Variants in TTC12 observed in about 807,000 individuals in gnomAD.
The protein encoded by TTC12 is tetratricopeptide repeat domain 12.
TTC12 carries 70 observed loss-of-function variants against 90.1 expected under a neutral mutation model. The observed-to-expected ratio is 0.78, with a 90% CI of 0.64 to 0.95. TTC12 has a LOEUF of 0.95. Among genes scored for constraint, TTC12 ranks in the 40% least tolerant of loss-of-function variants. The pLI is 0.00. For synonymous variants in TTC12, 296 were observed against 311.5 expected (o/e 0.95, Z 0.53); for missense variants, 819 against 846.1 (o/e 0.97, Z 0.40).
At chr11:113,328,334 T>G (rs1314525444) in intron 6 of TTC12, among the ~76,000 whole-genome samples, 1 of 152,206 alleles carries the variant, frequency 6.6e-6, no homozygotes, top group Non-Finnish European at 1.5e-5. Context: ...GTAGCCATTG[T>G]GCTTGTTTAT....
rs1555142240 is a variant in TTC12 at position 113,329,999 on chromosome 11, C to T, written c.504+20C>T. On this transcript the variant is annotated intron_variant, in intron 7 of 21. Transcript: ENST00000529221. ...CTCAAGGTAAGAGGGTATTTCTTTT[C>T]CCACATGATAGTGTTGGGCTGAAGT... The T allele has an allele frequency of 3.1e-6, 5 of 1,597,910 alleles. No individual in the cohort carries two copies. The highest frequency in any genetic ancestry group is 4.3e-6 in the Non-Finnish European group (5 of 1,165,244).
intron 8 of TTC12, among the ~76,000 whole-genome samples, chr11:113,335,909 A>T (rs909347941): frequency 1.3e-5 from 2 of 151,968 alleles, no homozygotes; most frequent in African/African-American, 4.8e-5. Flanking sequence ...TTTCTTTTTT[A>T]TGTTTACAGT....
At position 113,358,600 on chromosome 11, in the gene TTC12, GTCTCC is replaced by G. The variant is rs377508178; in HGVS notation, c.1447-761_1447-757del. Among the ~76,000 whole-genome samples, 1,012 of 152,288 alleles carry G rather than the reference GTCTCC, an allele frequency of 6.6e-3. 11 individuals carry two copies. Among genetic ancestry groups the G allele is most frequent in the African/African-American group, 0.023 (945 of 41,570 alleles). On this transcript the variant is annotated intron_variant, in intron 16 of 21. Transcript: ENST00000529221. ...GTCTGATGATTCCCCGAGGGCTAAA[GTCTCC>G]TGTGGGAGCAAGTTGAGCCTAGTGG...
intron 13 of TTC12, among the ~76,000 whole-genome samples, chr11:113,349,852 G>A (rs141494895): frequency 6.6e-6 from 1 of 152,268 alleles, no homozygotes; most frequent in African/African-American, 2.4e-5. Context: ...AAAGTATTCA[G>A]CATTCTGGGG....
chr11:113,359,290 G>C (rs1949787656), intron 16 of TTC12, 73 bp from the exon 17 acceptor site: 3 of 1,008,198 alleles, frequency 3.0e-6, no homozygotes, highest in Admixed American at 1.8e-5. Context: ...TGAGACCCTT[G>C]TCCAAGGGAA....
chr11:113,364,531 A>T (rs1223082677), intron 20 of TTC12: 1 of 379,738 alleles, frequency 2.6e-6, no homozygotes, highest in African/African-American at 2.1e-5. Flanking sequence ...GCGCAGTGAG[A>T]GGTTAAGAAT....
chr11:113,361,328 T>C (rs569236923), intron 18 of TTC12, among the ~76,000 whole-genome samples: 1 of 152,200 alleles, frequency 6.6e-6, no homozygotes, highest in Non-Finnish European at 1.5e-5. Flanking sequence ...ACGTTGACAG[T>C]GAACAGGCAA....
At chr11:113,348,286 G>A (rs574268137) in intron 13 of TTC12, among the ~76,000 whole-genome samples, 2 of 152,278 alleles carry the variant, frequency 1.3e-5, no homozygotes, top group East Asian at 3.9e-4. Flanking sequence ...CAATGTCCTG[G>A]AAGTGACCTG....
chr11:113,323,519 T>C (rs137957081), intron 3 of TTC12, 68 bp downstream of exon 3: 103 of 1,121,994 alleles, frequency 9.2e-5, no homozygotes, highest in Non-Finnish European at 1.2e-4. Context: ...GGCAGTAGTT[T>C]AATCTCAAAC....
chr11:113,330,658 A>G (rs1373690489), intron 7 of TTC12, among the ~76,000 whole-genome samples: 1 of 152,226 alleles, frequency 6.6e-6, no homozygotes, highest in Non-Finnish European at 1.5e-5. Context: ...GGGGGTTTTA[A>G]CTAAGTAACC....
intron 8 of TTC12, among the ~76,000 whole-genome samples, chr11:113,336,462 G>T (rs1046476970): frequency 6.6e-6 from 1 of 152,112 alleles, no homozygotes; most frequent in Non-Finnish European, 1.5e-5. Flanking sequence ...TCTAATCCAA[G>T]GTCAGGAAGA....
At chr11:113,353,978 G>A (rs1949470932) in intron 16 of TTC12, among the ~76,000 whole-genome samples, 1 of 152,156 alleles carries the variant, frequency 6.6e-6, no homozygotes, top group Non-Finnish European at 1.5e-5. Flanking sequence ...TTTTAAAATA[G>A]TTTTTTCTAG....
At chr11:113,336,685 G>T (rs1188040688) in intron 8 of TTC12, among the ~76,000 whole-genome samples, 2 of 152,070 alleles carry the variant, frequency 1.3e-5, no homozygotes, top group Non-Finnish European at 2.9e-5. Context: ...TTTATTTTTG[G>T]ACTTACAGTT....
chr11:113,329,110 A>T (rs1947870805), intron 6 of TTC12, among the ~76,000 whole-genome samples: 1 of 152,214 alleles, frequency 6.6e-6, no homozygotes, highest in African/African-American at 2.4e-5. Context: ...AAGCATTTGT[A>T]TGGATGTATA....
At chr11:113,329,889 G>A (rs367639315) in intron 6 of TTC12, 31 bp from the exon 7 acceptor site, 181 of 1,587,730 alleles carry the variant, frequency 1.1e-4, no homozygotes, top group Middle Eastern at 6.6e-4. Context: ...GCAGAATTGT[G>A]TGTGAATATC....
At chr11:113,368,474 T>C (rs561619119), downstream of TTC12, 1 of 1,549,578 alleles carries the variant, frequency 6.5e-7, no homozygotes, top group African/African-American at 1.4e-5. Flanking sequence ...GTAATCAGAG[T>C]CTTCTGGTTC....
At position 113,362,464 on chromosome 11, in the gene TTC12, C is replaced by T. The variant is rs201244916; in HGVS notation, c.1678C>T (p.Arg560Ter). 3.2e-5 allele frequency: 51 copies of T among 1,613,638 alleles called. No homozygotes were observed. Among genetic ancestry groups the T allele is most frequent in the African/African-American group, 4.0e-5 (3 of 74,872 alleles). The change falls in exon 19 of 22, where the codon CGA becomes TGA. Residue 560 changes from arginine to a stop codon, truncating the protein, a stop_gained. Transcript: ENST00000529221. LOFTEE classifies it high-confidence loss of function. ...TCTGAAAATTGTTGAGGAGGCCTTGCGAGCAGGAGTGGTAAAGAAAATGAT... is the reference window on the plus strand; with the variant it reads ...TCTGAAAATTGTTGAGGAGGCCTTGTGAGCAGGAGTGGTAAAGAAAATGAT... ...SSLKIVEEAL[R>*]AGVVKKMMKF...
In TTC12 at chr11:113,325,731, TG is replaced by T. The variant is rs1163012975; in HGVS notation, c.444+89del. 25 of 1,551,196 alleles carry T rather than the reference TG, an allele frequency of 1.6e-5. No homozygotes were observed. In the African/African-American group the frequency reaches 3.4e-4, roughly 21 times the overall value. On this transcript the variant is annotated intron_variant, in intron 6 of 21. Coordinates refer to ENST00000529221, the MANE Select transcript of TTC12 (RefSeq NM_017868.4). Reference sequence around the variant, plus strand: ...GGAAAACAAAGATGAGGCTAGATGTTGGGCTGGGAAATGTTTATAAGAACTG... The same window carrying T: ...GGAAAACAAAGATGAGGCTAGATGTTGGCTGGGAAATGTTTATAAGAACTG...
chr11:113,338,011 T>A (rs1555144572), intron 8 of TTC12, among the ~76,000 whole-genome samples: 1 of 152,242 alleles, frequency 6.6e-6, no homozygotes, highest in African/African-American at 2.4e-5. Flanking sequence ...CTTCAGTTTG[T>A]TTCTTAACTC....
Sources: allele counts gnomAD v4.1 joint callset (sites outside exome capture counted in the v4.1 genomes callset), GRCh38; gene constraint gnomAD v4.1.1; transcripts MANE v1.5; gene names NCBI Gene and HGNC (gene_info 2026-07-23, HGNC 2026-07-21).